CCNT1: variants seen among roughly 807,000 people sequenced by gnomAD.
The protein encoded by CCNT1 is cyclin-T1.
CCNT1 carries 18 observed loss-of-function variants against 67.3 expected under a neutral mutation model. The observed-to-expected ratio is 0.27, with a 90% confidence interval of 0.18 to 0.40. The LOEUF (loss-of-function observed/expected upper bound fraction) is 0.40, where lower values mean the gene tolerates loss of function less well. Ranked by LOEUF, CCNT1 falls within the 10% of genes least tolerant of loss-of-function variation. The probability of loss-of-function intolerance (pLI) is 1.00; values close to 1 mark genes in which losing one functional copy is unlikely to be tolerated. For synonymous variants in CCNT1, 333 were observed against 310.3 expected, an observed-to-expected ratio of 1.07 and a Z score of -0.77; for missense variants, 744 against 884.9, an observed-to-expected ratio of 0.84 and a Z score of 2.02.
chr12:48,707,367 C>G (rs1940378413), intron 2 of CCNT1, among the ~76,000 whole-genome samples: 1 of 151,352 alleles, frequency 6.6e-6, no homozygotes, highest in Admixed American at 6.6e-5. Flanking sequence ...CAGTTCCACT[C>G]AACCTCCTGG....
chr12:48,715,662 C>T (rs531915288), intron 1 of CCNT1, among the ~76,000 whole-genome samples: 1 of 152,202 alleles, frequency 6.6e-6, no homozygotes, highest in East Asian at 1.9e-4. Context: ...GGGGTTTAAT[C>T]ATGTTGGCCA....
rs1009817801 is a variant in CCNT1, at chr12:48,691,733, C to T, written c.*1300G>A. 2.0e-5 allele frequency: 3 copies of T among 152,166 alleles called. No individual in the cohort carries two copies. The highest frequency in any genetic ancestry group is 4.4e-5 in the Non-Finnish European group (3 of 68,034). The allele number at this position is 152,166 out of a possible 1,614,324, so 9.4% of individuals were successfully genotyped here. ...GGCTAGGCTTTGCTCATTCTCATGG[C>T]ACCAGTACTGTTAAATTCACAAGCT... On this transcript the variant is annotated 3_prime_UTR_variant, in exon 9 of 9. Transcript: ENST00000261900.
intron 2 of CCNT1, among the ~76,000 whole-genome samples, chr12:48,707,193 T>A (rs1251165966): frequency 2.0e-5 from 3 of 151,906 alleles, no homozygotes; most frequent in African/African-American, 7.3e-5. Flanking sequence ...TGAACAAAGG[T>A]ATGGTGATCT....
Position 48,698,185 on chromosome 12 carries a change from T to C in CCNT1, c.497-2A>G. ...AAGTCTGTGCTAAGTCCTTGCTTGC[T>C]AAAGAAAAAAAAAAAAAGTCAGGGG... On this transcript the variant is annotated splice_acceptor_variant, in intron 5 of 8. Transcript: ENST00000261900. LOFTEE classifies it high-confidence loss of function. 2 of 558,866 alleles carry C rather than the reference T, an allele frequency of 3.6e-6. No individual in the cohort carries two copies. The highest frequency in any genetic ancestry group is 5.0e-6 in the Non-Finnish European group (2 of 402,358). The allele number at this position is 558,866 out of a possible 1,614,324, so 34.6% of individuals were successfully genotyped here.
In CCNT1 at chr12:48,699,832, G is replaced by T; in HGVS notation, c.442C>A (p.Leu148Ile). ...TGAGTATGTGGGTGATCAATTGTTA[G>T]TTCAAAGCCTTAAAAGAAAAAGTAA... is the stretch of plus-strand genomic sequence containing the variant. Reference protein sequence around the residue: ...SIILQTLGFELTIDHPHTHVV... With the variant: ...SIILQTLGFEITIDHPHTHVV... The change falls in exon 5 of 9, where the codon CTA (leucine) becomes ATA (isoleucine). Residue 148 changes from leucine to isoleucine, a missense_variant. Transcript: ENST00000261900. 1 of 1,600,826 alleles carries T rather than the reference G, an allele frequency of 6.2e-7. No homozygotes were observed. The highest frequency in any genetic ancestry group is 8.5e-7 in the Non-Finnish European group (1 of 1,171,402).
At chr12:48,713,731 C>T (rs1407338409) in intron 2 of CCNT1, among the ~76,000 whole-genome samples, 2 of 152,160 alleles carry the variant, frequency 1.3e-5, no homozygotes, top group Non-Finnish European at 2.9e-5. Context: ...CTGCAATGAG[C>T]CATAATCAAA....
Position 48,692,970 on chromosome 12 carries a change from A to G in CCNT1, c.*63T>C. The G allele has an allele frequency of 8.8e-7, 1 of 1,141,080 alleles. No individual in the cohort carries two copies. The highest frequency in any genetic ancestry group is 1.2e-6 in the Non-Finnish European group (1 of 820,012). 70.7% of individuals were successfully genotyped at this position (1,141,080 alleles called of 1,614,324 possible). A position where few individuals can be genotyped will look rare whatever the true frequency, so the allele number is the denominator to read the frequency against. On this transcript the variant is annotated 3_prime_UTR_variant, in exon 9 of 9. Coordinates refer to ENST00000261900, the MANE Select transcript of CCNT1 (RefSeq NM_001240.4). ...TCATAAGTAATTTTCTTAGTCCAAA[A>G]AAAAAAAAGAAAAATTATGTGTTTT...
rs1464202890 is a variant in CCNT1, at chr12:48,694,109, A to G, written c.1105T>C (p.Ser369Pro). ...GVDHSLPQDG[S>P]NAFISQKQNS... is the part of the protein sequence containing the mutation. ...TGCTTCTGGGAAATAAATGCATTTG[A>G]ACCATCCTGTGGTAAGGAATGATCA... Residue 369 changes from serine to proline, a missense_variant, in exon 9 of 9, where the codon TCA (serine) becomes CCA (proline). By Grantham distance (74) the Ser-to-Pro change is moderately conservative. This residue lies in a region of CCNT1 where 564 missense variants were observed against 574.2 expected (regional missense o/e 0.98). Coordinates refer to ENST00000261900, the MANE Select transcript of CCNT1 (RefSeq NM_001240.4). 1.2e-6 allele frequency: 2 copies of G among 1,614,228 alleles called. No homozygotes were observed. The highest frequency in any genetic ancestry group is 2.2e-5 in the South Asian group (2 of 91,092).
chr12:48,702,735 T>A (rs924834510), intron 3 of CCNT1, among the ~76,000 whole-genome samples: 2 of 152,066 alleles, frequency 1.3e-5, no homozygotes, highest in Non-Finnish European at 2.9e-5. Flanking sequence ...GAGAATTTCT[T>A]GAACCTGGGA....
At chr12:48,716,380 T>C (rs1408570273) in intron 1 of CCNT1, 135 bp downstream of exon 1, 8 of 769,300 alleles carry the variant, frequency 1.0e-5, no homozygotes, top group Non-Finnish European at 1.6e-5. Flanking sequence ...CGCCCCATCG[T>C]GGGCTCTCCC....
Position 48,689,626 on chromosome 12 carries a change from TTC to T in CCNT1, c.*3405_*3406del, listed in dbSNP as rs758093004. Reference sequence around the variant, plus strand: ...TATTTCAACTGCAAGATGTTCTAGATTCTCTCTTTTCTTAGTATCAAAATAAC... The same window carrying T: ...TATTTCAACTGCAAGATGTTCTAGATTCTCTTTTCTTAGTATCAAAATAAC... On this transcript the variant is annotated 3_prime_UTR_variant, in exon 9 of 9. Coordinates refer to ENST00000261900, the MANE Select transcript of CCNT1 (RefSeq NM_001240.4). The T allele has an allele frequency of 1.3e-5, 2 of 152,212 alleles. No individual in the cohort carries two copies. Among genetic ancestry groups the T allele is most frequent in the Non-Finnish European group, 2.9e-5 (2 of 68,042 alleles). The allele number at this position is 152,212 out of a possible 1,614,324, so 9.4% of individuals were successfully genotyped here.
At chr12:48,699,672 C>T in intron 5 of CCNT1, 106 bp downstream of exon 5, 1 of 703,420 alleles carries the variant, frequency 1.4e-6, no homozygotes, top group Non-Finnish European at 2.4e-6. Flanking sequence ...CCAAGTAGGC[C>T]TTTAAATTTA....
chr12:48,707,247 C>T (rs1421783400), intron 2 of CCNT1, among the ~76,000 whole-genome samples: 1 of 150,688 alleles, frequency 6.6e-6, no homozygotes, highest in Non-Finnish European at 1.5e-5. Context: ...TAGTTAAATA[C>T]ATTAGATAAT....
intron 2 of CCNT1, among the ~76,000 whole-genome samples, chr12:48,713,200 CT>C (rs11320347): frequency 0.49 from 66,433 of 134,372 alleles, 14,049 homozygotes; most frequent in East Asian, 0.7. Flanking sequence ...TTTTTTTTAC[CT>C]TTTTTTTTTT....
At chr12:48,710,074 T>C (rs1290569701) in intron 2 of CCNT1, among the ~76,000 whole-genome samples, 1 of 152,118 alleles carries the variant, frequency 6.6e-6, no homozygotes. Context: ...GTGTTTTTAA[T>C]AGAGACGGGG....
At chr12:48,704,765 C>T (rs548760095) in intron 3 of CCNT1, among the ~76,000 whole-genome samples, 36 of 152,102 alleles carry the variant, frequency 2.4e-4, no homozygotes, top group Middle Eastern at 3.4e-3. Context: ...GCCGAGATTG[C>T]GCCACTGCAC....
At position 48,694,110 on chromosome 12, in the gene CCNT1, A is replaced by G. The variant is rs1301506591; in HGVS notation, c.1104T>C (p.Gly368=). Residue 368 remains glycine, a synonymous_variant, in exon 9 of 9, where the codon GGT becomes GGC. Coordinates refer to ENST00000261900, the MANE Select transcript of CCNT1 (RefSeq NM_001240.4). ...TGVDHSLPQD[G]SNAFISQKQN... ...GCTTCTGGGAAATAAATGCATTTGA[A>G]CCATCCTGTGGTAAGGAATGATCAA... The G allele has an allele frequency of 6.2e-7, 1 of 1,614,100 alleles. No homozygotes were observed. The highest frequency in any genetic ancestry group is 8.5e-7 in the Non-Finnish European group (1 of 1,180,038).
Position 48,695,844 on chromosome 12 carries a change from G to C in CCNT1, c.707-15C>G. 1 of 1,591,724 alleles carries C rather than the reference G, an allele frequency of 6.3e-7. No individual in the cohort carries two copies. The highest frequency in any genetic ancestry group is 1.1e-5 in the South Asian group (1 of 90,374). ...ATGTGTCAGTTCTACAAGTAAAACA[G>C]AACATTCAAGAAAGACTGAGAGAAA... On this transcript the variant is annotated splice_polypyrimidine_tract_variant and intron_variant, in intron 7 of 8. Transcript: ENST00000261900.
intron 2 of CCNT1, among the ~76,000 whole-genome samples, chr12:48,708,391 A>G (rs149189280): frequency 9.9e-4 from 150 of 152,150 alleles, no homozygotes; most frequent in African/African-American, 3.5e-3. Context: ...TACTAAAAAT[A>G]CAAAAATTAG....
Sources: allele counts gnomAD v4.1 joint callset (sites outside exome capture counted in the v4.1 genomes callset), GRCh38; gene constraint gnomAD v4.1.1; regional missense constraint gnomAD v4.1.1; transcripts MANE v1.5; gene names NCBI Gene and HGNC (gene_info 2026-07-23, HGNC 2026-07-21).